The following SLC14A2 variants were observed in gnomAD, a reference collection of about 807,000 sequenced individuals.
SLC14A2 encodes the protein solute carrier family 14 member 2, also known as urea transporter 2.
A neutral mutation model predicts 104.6 loss-of-function variants in SLC14A2; 91 were observed. That is an observed-to-expected ratio of 0.87 (90% CI 0.73 to 1.04). The LOEUF (loss-of-function observed/expected upper bound fraction) is 1.04, where lower values mean the gene tolerates loss of function less well. SLC14A2 is among the 50% of genes least tolerant of loss of function. The pLI is 0.00. For synonymous variants in SLC14A2, 476 were observed against 466.4 expected (o/e 1.02, Z -0.27); for missense variants, 1,189 against 1,156.0 (o/e 1.03, Z -0.41).
At position 45,353,979 on chromosome 18, in the gene SLC14A2, G is replaced by A. The variant is rs1187869298; in HGVS notation, c.-124-129254G>A. On this transcript the variant is annotated intron_variant, in intron 1 of 20. Coordinates refer to the SLC14A2 transcript ENST00000586448. ...CTTCCAAGAAAGGCACGATGGTGGA[G>A]ATGATGGACAGTGTTTGTGCTCTCC... Among the ~76,000 whole-genome samples, 4 of 152,196 alleles carry A rather than the reference G, an allele frequency of 2.6e-5. No homozygotes were observed. In the South Asian group the frequency reaches 8.3e-4, roughly 32 times the overall value.
chr18:45,663,840 G>A lies in SLC14A2; in HGVS notation c.1407G>A (p.Glu469=). Residue 469 remains glutamate, a synonymous_variant, in exon 11 of 20, where the codon GAG becomes GAA. Coordinates refer to ENST00000255226, the MANE Select transcript of SLC14A2 (RefSeq NM_007163.4). ...GCCCAAAGGTGGAGGAGGGCTCGGA[G>A]GCTGTGCTCTCCAAGCACAGGAGTG... ...TAGPKVEEGS[E]AVLSKHRSVF... The A allele has an allele frequency of 6.2e-7, 1 of 1,613,338 alleles. No homozygotes were observed. Among genetic ancestry groups the A allele is most frequent in the African/African-American group, 1.3e-5 (1 of 74,964 alleles).
chr18:45,552,798 G>A (rs2044074947), intron 2 of SLC14A2, among the ~76,000 whole-genome samples: 1 of 152,192 alleles, frequency 6.6e-6, no homozygotes, highest in Admixed American at 6.5e-5. Flanking sequence ...CAGCATGTTT[G>A]AGGAACAGCA....
At chr18:45,540,518 A>G (rs999450042) in intron 2 of SLC14A2, among the ~76,000 whole-genome samples, 38 of 152,122 alleles carry the variant, frequency 2.5e-4, no homozygotes, top group Admixed American at 2.5e-3. Flanking sequence ...CAAGACGGGC[A>G]GATTACTTGA....
chr18:45,238,548 C>T (rs1354292969), intron 1 of SLC14A2, among the ~76,000 whole-genome samples: 11 of 150,380 alleles, frequency 7.3e-5, no homozygotes, highest in Admixed American at 7.3e-4. Flanking sequence ...AAAAGATGAC[C>T]ATTATGTAAC....
At chr18:45,618,416 C>T (rs2045107851) in intron 1 of SLC14A2, among the ~76,000 whole-genome samples, 1 of 152,190 alleles carries the variant, frequency 6.6e-6, no homozygotes, top group East Asian at 1.9e-4. Flanking sequence ...CGTCTGTAAT[C>T]CCAGCACTTT....
intron 1 of SLC14A2, among the ~76,000 whole-genome samples, chr18:45,417,084 T>C (rs2086285906): frequency 6.6e-6 from 1 of 152,224 alleles, no homozygotes; most frequent in African/African-American, 2.4e-5. Context: ...TAGGCAATTA[T>C]GTTAGAGCTA....
intron 10 of SLC14A2, among the ~76,000 whole-genome samples, chr18:45,660,928 G>C (rs2045926186): frequency 6.6e-6 from 1 of 152,212 alleles, no homozygotes; most frequent in South Asian, 2.1e-4. Context: ...TGTGGCATCT[G>C]TTCCCCTCTT....
intron 1 of SLC14A2, among the ~76,000 whole-genome samples, chr18:45,340,772 A>T (rs927145639): frequency 2.0e-5 from 3 of 152,196 alleles, no homozygotes; most frequent in Non-Finnish European, 4.4e-5. Flanking sequence ...TGGAGAAAAG[A>T]GTACTGGTGT....
chr18:45,423,811 A>C (rs1166871591), intron 1 of SLC14A2: 1 of 152,236 alleles, frequency 6.6e-6, no homozygotes, highest in South Asian at 2.1e-4. Context: ...AGCAGGCAGA[A>C]GTGCTGGTAA....
intron 1 of SLC14A2, among the ~76,000 whole-genome samples, chr18:45,304,627 G>A (rs1464834957): frequency 6.6e-6 from 1 of 152,220 alleles, no homozygotes; most frequent in African/African-American, 2.4e-5. Flanking sequence ...GTATTGGGAA[G>A]GGAGTGATCA....
intron 2 of SLC14A2, among the ~76,000 whole-genome samples, chr18:45,550,830 A>T (rs898747818): frequency 1.3e-5 from 2 of 152,178 alleles, no homozygotes; most frequent in Non-Finnish European, 2.9e-5. Flanking sequence ...TGACTGCAAG[A>T]TCAACATAGT....
chr18:45,534,348 T>G (rs1239058055), intron 2 of SLC14A2, among the ~76,000 whole-genome samples: 3 of 151,878 alleles, frequency 2.0e-5, no homozygotes, highest in Middle Eastern at 3.2e-3. Flanking sequence ...GCACCTAAAT[T>G]TATAGTCAAA....
chr18:45,324,733 C>T (rs1399219560), intron 1 of SLC14A2, among the ~76,000 whole-genome samples: 2 of 151,832 alleles, frequency 1.3e-5, no homozygotes, highest in African/African-American at 4.9e-5. Context: ...ACCTCCATAA[C>T]ATTCCCCTTT....
chr18:45,680,313 C>T (rs1045465072), intron 19 of SLC14A2, among the ~76,000 whole-genome samples: 1 of 152,208 alleles, frequency 6.6e-6, no homozygotes, highest in African/African-American at 2.4e-5. Context: ...TGATGACTGG[C>T]CTTTCTCTCT....
the SLC14A2 span, among the ~76,000 whole-genome samples, chr18:45,192,036 A>T: frequency 6.6e-6 from 1 of 152,212 alleles, no homozygotes; most frequent in Admixed American, 6.5e-5. Flanking sequence ...CCAACTCATG[A>T]GAATATCCAT....
In SLC14A2 at chr18:45,651,808, C is replaced by T. The variant is rs115245939; in HGVS notation, c.1351+7648C>T. ...GTGTACCAAAAATATGCCACAAGTGCCTTTGCTACTTTTCTAGAGCTTAAC... is the reference window on the plus strand; with the variant it reads ...GTGTACCAAAAATATGCCACAAGTGTCTTTGCTACTTTTCTAGAGCTTAAC... On this transcript the variant is annotated intron_variant, in intron 10 of 19. Coordinates refer to ENST00000255226, the MANE Select transcript of SLC14A2 (RefSeq NM_007163.4). Among the ~76,000 whole-genome samples the T allele has an allele frequency of 5.3e-3, 803 of 152,290 alleles. 7 individuals are homozygous for T. The highest frequency in any genetic ancestry group is 0.018 in the African/African-American group (752 of 41,550).
chr18:45,172,203 C>T, the SLC14A2 span, among the ~76,000 whole-genome samples: 1 of 152,252 alleles, frequency 6.6e-6, no homozygotes, highest in African/African-American at 2.4e-5. Flanking sequence ...TCATGTGACC[C>T]ACTTCCTTTC....
At chr18:45,299,871 G>A (rs1568141602) in intron 1 of SLC14A2, among the ~76,000 whole-genome samples, 1 of 152,204 alleles carries the variant, frequency 6.6e-6, no homozygotes, top group South Asian at 2.1e-4. Context: ...AAAGTTTCTA[G>A]TACTTGTCGT....
At chr18:45,480,872 C>A (rs542278453) in intron 1 of SLC14A2, among the ~76,000 whole-genome samples, 31 of 152,212 alleles carry the variant, frequency 2.0e-4, no homozygotes, top group African/African-American at 7.0e-4. Flanking sequence ...TAAAAAGCAG[C>A]ATGAGTCAGA....
Sources: gnomAD v4.1 joint callset for allele counts (sites outside exome capture counted in the v4.1 genomes callset) on GRCh38, gnomAD v4.1.1 for gene constraint, MANE v1.5 for transcripts, NCBI Gene and HGNC (gene_info 2026-07-23, HGNC 2026-07-21) for gene names.